Variants in FRMD4A observed in about 807,000 individuals in gnomAD.
FRMD4A encodes FERM domain containing 4A.
FRMD4A carries 29 observed loss-of-function variants against 129.1 expected under a neutral mutation model. The observed-to-expected ratio is 0.22, with a 90% confidence interval of 0.17 to 0.31. The LOEUF (loss-of-function observed/expected upper bound fraction) is 0.31, where lower values mean the gene tolerates loss of function less well. FRMD4A is among the 10% of genes least tolerant of loss of function. The pLI is 1.00. For missense variants in FRMD4A, 1,272 were observed against 1,375.8 expected (o/e 0.92, Z 1.19); for synonymous variants, 634 against 571.6 (o/e 1.11, Z -1.56).
intron 2 of FRMD4A, among the ~76,000 whole-genome samples, chr10:14,077,874 G>C (rs1234800886): frequency 6.6e-6 from 1 of 152,166 alleles, no homozygotes; most frequent in Non-Finnish European, 1.5e-5. Flanking sequence ...TATTCCAATT[G>C]CTTGTTACTA....
intron 12 of FRMD4A, among the ~76,000 whole-genome samples, chr10:13,714,029 T>TA (rs1202020945): frequency 1.8e-4 from 5 of 28,312 alleles, no homozygotes; most frequent in Admixed American, 4.2e-4. Flanking sequence ...AAAATATACA[T>TA]ATATATATAT....
Position 13,810,077 on chromosome 10 carries a change from CAGAG to C in FRMD4A, c.206+733_206+736del, listed in dbSNP as rs36074024. On this transcript the variant is annotated intron_variant, in intron 4 of 24. Transcript: ENST00000357447. Reference sequence around the variant, plus strand: ...TCTGTATTTCTGAAGATCTGGAAGACAGAGAGAGAGAGAGAGAGTCTGTGTGTGT... The same window carrying C: ...TCTGTATTTCTGAAGATCTGGAAGACAGAGAGAGAGAGAGTCTGTGTGTGT... Among the ~76,000 whole-genome samples the C allele has an allele frequency of 1.2e-3, 187 of 150,018 alleles. 2 individuals carry two copies. Among genetic ancestry groups the C allele is most frequent in the Non-Finnish European group, 2.1e-3 (140 of 67,350 alleles).
chr10:13,669,935 C>A (rs772574729), intron 17 of FRMD4A, among the ~76,000 whole-genome samples: 1 of 152,226 alleles, frequency 6.6e-6, no homozygotes, highest in Non-Finnish European at 1.5e-5. Flanking sequence ...TGTGAGTAGC[C>A]AGGTGAGGCT....
At chr10:13,748,664 G>A (rs569068992) in intron 8 of FRMD4A, among the ~76,000 whole-genome samples, 1 of 152,148 alleles carries the variant, frequency 6.6e-6, no homozygotes, top group African/African-American at 2.4e-5. Flanking sequence ...GCCAGGCTGA[G>A]CATCCCATAT....
At chr10:14,088,829 A>T (rs1165998889) in intron 2 of FRMD4A, among the ~76,000 whole-genome samples, 2 of 150,590 alleles carry the variant, frequency 1.3e-5, no homozygotes, top group African/African-American at 4.9e-5. Flanking sequence ...TTCCACTCAA[A>T]TCCTGGGTTC....
intron 2 of FRMD4A, among the ~76,000 whole-genome samples, chr10:14,271,060 A>T (rs1472748951): frequency 6.6e-6 from 1 of 152,150 alleles, no homozygotes; most frequent in Non-Finnish European, 1.5e-5. Context: ...AGTGTAACAC[A>T]TGGCGGGCAC....
intron 8 of FRMD4A, among the ~76,000 whole-genome samples, chr10:13,761,336 T>A (rs1227616263): frequency 6.6e-6 from 1 of 152,242 alleles, no homozygotes; most frequent in Non-Finnish European, 1.5e-5. Context: ...ACAGTGGTGA[T>A]TCCAGCCTCT....
intron 2 of FRMD4A, among the ~76,000 whole-genome samples, chr10:13,918,611 C>T (rs944325859): frequency 6.6e-5 from 10 of 151,470 alleles, no homozygotes; most frequent in African/African-American, 2.4e-4. Flanking sequence ...TCACTGCAAC[C>T]TCTGCCTTCC....
chr10:13,909,434 A>G (rs1312780954), intron 2 of FRMD4A, among the ~76,000 whole-genome samples: 4 of 152,236 alleles, frequency 2.6e-5, no homozygotes, highest in Admixed American at 6.5e-5. Flanking sequence ...TAACACCCAC[A>G]GTACCTTTCT....
At chr10:14,172,771 A>G (rs1274566735) in intron 2 of FRMD4A, among the ~76,000 whole-genome samples, 3 of 152,226 alleles carry the variant, frequency 2.0e-5, no homozygotes, top group African/African-American at 7.2e-5. Flanking sequence ...TGTAAGCAAC[A>G]GGATTCCAGC....
chr10:13,787,527 C>T (rs1213095421), intron 5 of FRMD4A, among the ~76,000 whole-genome samples: 2 of 152,050 alleles, frequency 1.3e-5, no homozygotes, highest in African/African-American at 2.4e-5. Flanking sequence ...AGTGTGCAAC[C>T]ACAGTTCACT....
intron 4 of FRMD4A, among the ~76,000 whole-genome samples, chr10:13,807,951 AC>A (rs1181341350): frequency 6.6e-6 from 1 of 152,096 alleles, no homozygotes; most frequent in African/African-American, 2.4e-5. Context: ...GGCACATGCC[AC>A]CATGCCTGAC....
chr10:14,064,572 C>T (rs1565223197), intron 2 of FRMD4A, among the ~76,000 whole-genome samples: 1 of 152,150 alleles, frequency 6.6e-6, no homozygotes, highest in Non-Finnish European at 1.5e-5. Flanking sequence ...GTGTATTCTG[C>T]TTATTTTTTT....
Position 13,881,733 on chromosome 10 carries a change from G to A in FRMD4A, c.46-22821C>T, listed in dbSNP as rs568573515. ...GTCCTACCCCTAAAAAGCGACGGTG[G>A]GAGGCATGTGAACAGGTCGTCACTG... On this transcript the variant is annotated intron_variant, in intron 2 of 24. Coordinates refer to ENST00000357447, the MANE Select transcript of FRMD4A (RefSeq NM_018027.5). Among the ~76,000 whole-genome samples, 30 of 152,132 alleles carry A rather than the reference G, an allele frequency of 2.0e-4. No homozygotes were observed. In the East Asian group the frequency reaches 5.8e-3, roughly 30 times the overall value.
At chr10:14,131,467 G>A (rs1053482553) in intron 2 of FRMD4A, among the ~76,000 whole-genome samples, 1 of 151,388 alleles carries the variant, frequency 6.6e-6, no homozygotes, top group African/African-American at 2.4e-5. Context: ...CGAAGATGAA[G>A]TCCAGTTACG....
intron 4 of FRMD4A, among the ~76,000 whole-genome samples, chr10:13,798,433 G>A (rs1026162468): frequency 2.0e-5 from 3 of 151,784 alleles, no homozygotes; most frequent in Non-Finnish European, 4.4e-5. Context: ...AATAGGACGG[G>A]CGTGGTGGCT....
intron 2 of FRMD4A, among the ~76,000 whole-genome samples, chr10:14,198,429 C>A (rs1842535395): frequency 6.6e-6 from 1 of 152,150 alleles, no homozygotes; most frequent in Admixed American, 6.5e-5. Flanking sequence ...GGGGCCTAGG[C>A]AATTTCATGG....
At chr10:13,714,182 C>G (rs180965902) in intron 12 of FRMD4A, among the ~76,000 whole-genome samples, 1 of 149,818 alleles carries the variant, frequency 6.7e-6, no homozygotes, top group African/African-American at 2.5e-5. Context: ...CTTGTCTCAG[C>G]CTCCCAAGTA....
At chr10:13,988,746 T>C (rs1482077786) in intron 2 of FRMD4A, among the ~76,000 whole-genome samples, 1 of 152,124 alleles carries the variant, frequency 6.6e-6, no homozygotes, top group Non-Finnish European at 1.5e-5. Flanking sequence ...CTATGTAGAT[T>C]TCTATAGAGA....
Sources: allele counts gnomAD v4.1 joint callset (sites outside exome capture counted in the v4.1 genomes callset), GRCh38; gene constraint gnomAD v4.1.1; transcripts MANE v1.5; gene names NCBI Gene and HGNC (gene_info 2026-07-23, HGNC 2026-07-21).